ELK4: variants seen among roughly 807,000 people sequenced by gnomAD.
ELK4 encodes ETS domain-containing protein Elk-4.
In ELK4, 16 loss-of-function variants were observed where a neutral mutation model predicts 29.6. The observed-to-expected ratio is 0.54, with a 90% confidence interval of 0.37 to 0.82. The LOEUF is 0.82. Ranked by LOEUF, ELK4 falls within the 40% of genes least tolerant of loss-of-function variation. The pLI is 0.00. For missense variants in ELK4, 465 were observed against 507.1 expected, an observed-to-expected ratio of 0.92 and a Z score of 0.80; for synonymous variants, 213 against 191.1, an observed-to-expected ratio of 1.11 and a Z score of -0.95.
chr1:205,620,436 C>T lies in ELK4; in HGVS notation c.610G>A (p.Val204Ile), dbSNP rs904890024. 1.2e-6 allele frequency: 2 copies of T among 1,614,078 alleles called. No homozygotes were observed. The highest frequency in any genetic ancestry group is 2.7e-5 in the African/African-American group (2 of 74,936). Residue 204 changes from valine (V) to isoleucine (I), a missense_variant, in exon 3 of 5, where the codon GTT becomes ATT. Val to Ile is a conservative substitution (Grantham distance 29, BLOSUM62 3). Around this residue, in one of 2 missense-constraint regions of ELK4, gnomAD observed 385 missense variants for 387.5 expected, o/e 0.99. Coordinates refer to ENST00000357992, the MANE Select transcript of ELK4 (RefSeq NM_001973.4). ...GGGCCAATTGAAATGGTGGCAGCAACAGGTTCAACCGGTGGCTTTTTGGAA... is the reference window on the plus strand; with the variant it reads ...GGGCCAATTGAAATGGTGGCAGCAATAGGTTCAACCGGTGGCTTTTTGGAA... The part of the protein sequence containing the change: ...TPSKKPPVEP[V>I]AATISIGPSI...
At position 205,609,058 on chromosome 1, in the gene ELK4, T is replaced by C. The variant is rs1670114358; in HGVS notation, c.*7488A>G. 5.3e-6 allele frequency: 1 copy of C among 188,290 alleles called. No individual in the cohort carries two copies. The highest frequency in any genetic ancestry group is 2.3e-5 in the African/African-American group (1 of 42,878). 11.7% of individuals were successfully genotyped at this position (188,290 alleles called of 1,614,324 possible). A position where few individuals can be genotyped will look rare whatever the true frequency, so the allele number is the denominator to read the frequency against. Reference sequence around the variant, plus strand: ...TACTTGACGGTTCAGAAACTGCCACTGCCACTGTGGTTAAATCACTTGGTG... The same window carrying C: ...TACTTGACGGTTCAGAAACTGCCACCGCCACTGTGGTTAAATCACTTGGTG... On this transcript the variant is annotated 3_prime_UTR_variant, in exon 5 of 5. Transcript: ENST00000357992.
At chr1:205,625,679 CTT>C (rs368266464) in intron 1 of ELK4, 21,511 of 656,442 alleles carry the variant, frequency 0.033, no homozygotes, top group South Asian at 0.041. Flanking sequence ...GCTGCTGCTT[CTT>C]TTTTTTTTTT....
At chr1:205,626,648 C>G (rs1183019635) in intron 1 of ELK4, among the ~76,000 whole-genome samples, 2 of 152,112 alleles carry the variant, frequency 1.3e-5, no homozygotes, top group Non-Finnish European at 2.9e-5. Flanking sequence ...TTCATGCCTA[C>G]TTGGAAGGCT....
At chr1:205,616,730 C>G (rs1291780112) in intron 4 of ELK4, 86 bp from the exon 5 acceptor site, 6 of 1,112,704 alleles carry the variant, frequency 5.4e-6, no homozygotes, top group Non-Finnish European at 7.9e-6. Context: ...TGAGGCAAAA[C>G]ACAACAGCCT....
At chr1:205,618,618 G>A (rs1190209419) in intron 4 of ELK4, among the ~76,000 whole-genome samples, 1 of 152,202 alleles carries the variant, frequency 6.6e-6, no homozygotes, top group Non-Finnish European at 1.5e-5. Context: ...GAGGTCAGGA[G>A]TTGGAGACCA....
Position 205,609,456 on chromosome 1 carries a change from CAAAT to C in ELK4, c.*7086_*7089del. Reference sequence around the variant, plus strand: ...GATTAGAAAAGATCCAGGGCCAAAACAAATAAATAGGCCTCAAGGAATAAAAAAT... The same window carrying C: ...GATTAGAAAAGATCCAGGGCCAAAACAAATAGGCCTCAAGGAATAAAAAAT... On this transcript the variant is annotated 3_prime_UTR_variant, in exon 5 of 5. Transcript: ENST00000357992. The C allele has an allele frequency of 5.2e-6, 1 of 192,942 alleles. No individual in the cohort carries two copies. Among genetic ancestry groups the C allele is most frequent in the Admixed American group, 6.1e-5 (1 of 16,356 alleles). 12.0% of individuals were successfully genotyped at this position (192,942 alleles called of 1,614,324 possible). A position where few individuals can be genotyped will look rare whatever the true frequency, so the allele number is the denominator to read the frequency against.
chr1:205,627,169 G>A (rs1267201714), intron 1 of ELK4, among the ~76,000 whole-genome samples: 6 of 152,144 alleles, frequency 3.9e-5, no homozygotes, highest in Non-Finnish European at 8.8e-5. Flanking sequence ...GAGAAGTGGG[G>A]AATGATAGAA....
chr1:205,623,140 A>G (rs1670382583), intron 2 of ELK4, among the ~76,000 whole-genome samples: 1 of 145,344 alleles, frequency 6.9e-6, no homozygotes, highest in South Asian at 2.3e-4. Context: ...CCTGGGCGAC[A>G]GAGTAAGACT....
At position 205,631,980 on chromosome 1, in the gene ELK4, C is replaced by T. The variant is rs1670604203; in HGVS notation, c.-358G>A. The T allele has an allele frequency of 6.6e-6, 1 of 151,908 alleles. No homozygotes were observed. The highest frequency in any genetic ancestry group is 1.5e-5 in the Non-Finnish European group (1 of 67,948). 9.4% of individuals were successfully genotyped at this position (151,908 alleles called of 1,614,324 possible). On this transcript the variant is annotated 5_prime_UTR_variant, in exon 1 of 5. Coordinates refer to ENST00000357992, the MANE Select transcript of ELK4 (RefSeq NM_001973.4). ...GCGGCCGCCGCCACTCTCAAACCCC[C>T]CGACTGCTCCTGGGTCCCTCCCAGA...
Position 205,629,170 on chromosome 1 carries a change from C to CA in ELK4, c.-10+2461dup, listed in dbSNP as rs61374496. 2.9e-3 allele frequency among the ~76,000 whole-genome samples: 266 copies of CA among 92,240 alleles called. 5 individuals carry two copies. The highest frequency in any genetic ancestry group is 6.1e-3 in the African/African-American group (133 of 21,976). The allele number at this position is 92,240 out of a possible 152,430, so 60.5% of individuals were successfully genotyped here. A position where few individuals can be genotyped will look rare whatever the true frequency, so the allele number is the denominator to read the frequency against. Reference sequence around the variant, plus strand: ...TGGGCAACAGAGCAAGACTACGTCTCAAAAAAAAAAAAAAAAAAGAAAAGA... The same window carrying CA: ...TGGGCAACAGAGCAAGACTACGTCTCAAAAAAAAAAAAAAAAAAAGAAAAGA... On this transcript the variant is annotated intron_variant, in intron 1 of 4. Coordinates refer to ENST00000357992, the MANE Select transcript of ELK4 (RefSeq NM_001973.4).
intron 1 of ELK4, among the ~76,000 whole-genome samples, chr1:205,628,727 C>G (rs1054123398): frequency 6.6e-6 from 1 of 152,162 alleles, no homozygotes; most frequent in African/African-American, 2.4e-5. Context: ...TTGCACCTTC[C>G]CTGTTGGTTA....
chr1:205,618,016 A>AGT (rs1553243122), intron 4 of ELK4, among the ~76,000 whole-genome samples: 39 of 150,926 alleles, frequency 2.6e-4, no homozygotes, highest in Non-Finnish European at 4.0e-4. Context: ...AGAGAGAGAG[A>AGT]GTGTGTGTGT....
Position 205,615,001 on chromosome 1 carries a change from A to C in ELK4, c.*1545T>G, listed in dbSNP as rs544052802. On this transcript the variant is annotated 3_prime_UTR_variant, in exon 5 of 5. Transcript: ENST00000357992. ...ATTACCATATAGTAATATTTTAAAA[A>C]TTTGGTAATGTAGAGAATAAGGCCT... 1.1e-4 allele frequency: 23 copies of C among 207,990 alleles called. No individual in the cohort carries two copies. In the East Asian group the frequency reaches 1.7e-3, roughly 15 times the overall value. The allele number at this position is 207,990 out of a possible 1,614,324, so 12.9% of individuals were successfully genotyped here.
rs767228986 is a variant in ELK4 at position 205,616,626 on chromosome 1, T to C, written c.1216A>G (p.Ser406Gly). 2 of 1,613,926 alleles carry C rather than the reference T, an allele frequency of 1.2e-6. No individual in the cohort carries two copies. Among genetic ancestry groups the C allele is most frequent in the East Asian group, 2.2e-5 (1 of 44,874 alleles). ...TLFQFPSVLN[S>G]HGPFTLSGLD... ...CCAGACAGAGTGAATGGCCCATGAC[T>C]GTTCAGTACAGAAGGAAACTGAGAA... The change falls in exon 5 of 5, where the codon AGT becomes GGT. Residue 406 changes from serine (S) to glycine (G), a missense_variant. Physicochemically the swap from Ser to Gly is moderately conservative, Grantham distance 56. Coordinates refer to ENST00000357992, the MANE Select transcript of ELK4 (RefSeq NM_001973.4).
chr1:205,609,777 A>G lies in ELK4; in HGVS notation c.*6769T>C, dbSNP rs1025862979. ...AATCTATCAATTGCAAATTATTTTT[A>G]AAAATCGTAAATTTCTACAAAGCAC... On this transcript the variant is annotated 3_prime_UTR_variant, in exon 5 of 5. Coordinates refer to ENST00000357992, the MANE Select transcript of ELK4 (RefSeq NM_001973.4). 4.7e-6 allele frequency: 1 copy of G among 211,336 alleles called. No homozygotes were observed. The highest frequency in any genetic ancestry group is 2.3e-5 in the African/African-American group (1 of 44,188). The allele number at this position is 211,336 out of a possible 1,614,324, so 13.1% of individuals were successfully genotyped here.
intron 2 of ELK4, among the ~76,000 whole-genome samples, chr1:205,622,855 C>T (rs1447449441): frequency 2.6e-5 from 4 of 151,990 alleles, no homozygotes; most frequent in African/African-American, 9.7e-5. Context: ...AAATCTGGGG[C>T]AGCTGGCTGT....
Position 205,612,895 on chromosome 1 carries a change from C to G in ELK4, c.*3651G>C. ...TTCCAGTTAAAAAAAATCCAGTAGC[C>G]TAATAGAGGCTCATAGGTTTACTGT... On this transcript the variant is annotated 3_prime_UTR_variant, in exon 5 of 5. Transcript: ENST00000357992. 1 of 203,468 alleles carries G rather than the reference C, an allele frequency of 4.9e-6. No homozygotes were observed. Among genetic ancestry groups the G allele is most frequent in the Admixed American group, 6.0e-5 (1 of 16,712 alleles). The allele number at this position is 203,468 out of a possible 1,614,324, so 12.6% of individuals were successfully genotyped here. A position where few individuals can be genotyped will look rare whatever the true frequency, so the allele number is the denominator to read the frequency against.
chr1:205,620,847 T>TAAA lies in ELK4; in HGVS notation c.208-12_208-10dup, dbSNP rs533252798. 4.9e-4 allele frequency: 672 copies of TAAA among 1,374,338 alleles called. 1 individual carries two copies. In the African/African-American group the frequency reaches 9.2e-3, roughly 19 times the overall value. The allele number at this position is 1,374,338 out of a possible 1,614,324, so 85.1% of individuals were successfully genotyped here. ...ACTTTTTTGATGATATTCTGTAGGTTAAAAAAAAAAGCATTTTTATCCTTT... is the reference window on the plus strand; with the variant it reads ...ACTTTTTTGATGATATTCTGTAGGTTAAAAAAAAAAAAAGCATTTTTATCCTTT... On this transcript the variant is annotated splice_polypyrimidine_tract_variant and intron_variant, in intron 2 of 4. Transcript: ENST00000357992.
At position 205,610,975 on chromosome 1, in the gene ELK4, A is replaced by G. The variant is rs1558017954; in HGVS notation, c.*5571T>C. 2 of 224,186 alleles carry G rather than the reference A, an allele frequency of 8.9e-6. No homozygotes were observed. Among genetic ancestry groups the G allele is most frequent in the Admixed American group, 5.7e-5 (1 of 17,492 alleles). 13.9% of individuals were successfully genotyped at this position (224,186 alleles called of 1,614,324 possible). On this transcript the variant is annotated 3_prime_UTR_variant, in exon 5 of 5. Coordinates refer to ENST00000357992, the MANE Select transcript of ELK4 (RefSeq NM_001973.4). The stretch of plus-strand genomic sequence containing the variant: ...ATGATTAGCACTCAAGAGATTAACT[A>G]TGTTTGATTGTATCCCTCATGAATT...
Sources: allele counts gnomAD v4.1 joint callset (sites outside exome capture counted in the v4.1 genomes callset), GRCh38; gene constraint gnomAD v4.1.1; regional missense constraint gnomAD v4.1.1; transcripts MANE v1.5; gene names NCBI Gene and HGNC (gene_info 2026-07-23, HGNC 2026-07-21).